Variants in CFAP54 observed in about 807,000 individuals in gnomAD.
CFAP54 encodes the protein cilia and flagella associated protein 54.
Under a neutral mutation model 370.4 loss-of-function variants are expected in CFAP54, and 290 were observed. The observed-to-expected ratio is 0.78, with a 90% CI of 0.71 to 0.86. The LOEUF (loss-of-function observed/expected upper bound fraction) is 0.86. Among genes scored for constraint, CFAP54 ranks in the 40% least tolerant of loss-of-function variants. The pLI is 0.00. For synonymous variants in CFAP54, 1,206 were observed against 1,236.5 expected, an observed-to-expected ratio of 0.98 and a Z score of 0.52; for missense variants, 3,399 against 3,528.7, an observed-to-expected ratio of 0.96 and a Z score of 0.93.
chr12:96,841,920 G>A (rs1048391659), intron 66 of CFAP54, among the ~76,000 whole-genome samples: 4 of 152,204 alleles, frequency 2.6e-5, no homozygotes, highest in African/African-American at 4.8e-5. Flanking sequence ...CTATTTCTCC[G>A]ATAGGATTAC....
chr12:96,496,288 A>G (rs1400887274), intron 1 of CFAP54, among the ~76,000 whole-genome samples: 2 of 152,252 alleles, frequency 1.3e-5, no homozygotes, highest in African/African-American at 2.4e-5. Flanking sequence ...CACATACATC[A>G]TAAGTATTAG....
intron 5 of CFAP54, among the ~76,000 whole-genome samples, chr12:96,518,561 C>T (rs1406845042): frequency 1.3e-5 from 2 of 152,108 alleles, no homozygotes; most frequent in Non-Finnish European, 1.5e-5. Flanking sequence ...TGGTGCACAC[C>T]TGTAGTTCCA....
intron 9 of CFAP54, among the ~76,000 whole-genome samples, chr12:96,530,359 A>G (rs1182437313): frequency 6.6e-6 from 1 of 152,224 alleles, no homozygotes; most frequent in African/African-American, 2.4e-5. Flanking sequence ...GCGTCATGGC[A>G]TGTGCCTGTA....
At chr12:96,849,827 C>CA (rs1959485039) in intron 66 of CFAP54, among the ~76,000 whole-genome samples, 1 of 152,098 alleles carries the variant, frequency 6.6e-6, no homozygotes, top group Non-Finnish European at 1.5e-5. Context: ...AAATCATCAC[C>CA]ATTTCTTTCA....
In CFAP54 at chr12:96,507,011, G is replaced by A. The variant is rs1955108819; in HGVS notation, c.651G>A (p.Val217=). 6.5e-7 allele frequency: 1 copy of A among 1,535,880 alleles called. No homozygotes were observed. Among genetic ancestry groups the A allele is most frequent in the African/African-American group, 1.4e-5 (1 of 73,022 alleles). ...SDENLKNKES[V]VQCLHILSSL... ...AAAACCTGAAGAATAAAGAATCTGT[G>A]GTCCAGTGTCTGCATATCTTGTCCT... The change falls in exon 4 of 68, where the codon GTG becomes GTA. Residue 217 remains valine, a synonymous_variant. Transcript: ENST00000524981.
chr12:96,680,082 A>G (rs980263428), intron 40 of CFAP54, among the ~76,000 whole-genome samples: 13 of 152,212 alleles, frequency 8.5e-5, no homozygotes, highest in Admixed American at 2.6e-4. Context: ...GTTTTACTTC[A>G]TAAGTAGACG....
intron 39 of CFAP54, among the ~76,000 whole-genome samples, chr12:96,671,192 G>T (rs769159802): frequency 1.2e-4 from 18 of 151,970 alleles, no homozygotes; most frequent in African/African-American, 4.3e-4. Context: ...GGCTGGTCTC[G>T]AACACCTGAC....
chr12:96,784,629 T>C lies in CFAP54; in HGVS notation c.8282-88T>C, dbSNP rs150618662. 13 of 1,000,854 alleles carry C rather than the reference T, an allele frequency of 1.3e-5. No homozygotes were observed. In the African/African-American group the frequency reaches 2.1e-4, roughly 16 times the overall value. 62.0% of individuals were successfully genotyped at this position (1,000,854 alleles called of 1,614,324 possible). A position where few individuals can be genotyped will look rare whatever the true frequency, so the allele number is the denominator to read the frequency against. On this transcript the variant is annotated intron_variant, in intron 60 of 67. Transcript: ENST00000524981. ...GTATCATGTGTCAGCATTTCCTTTA[T>C]GAGCTGTGCTTTTTTTCTGTTCATG...
At chr12:96,683,136 AATT>A (rs1957290062) in intron 40 of CFAP54, among the ~76,000 whole-genome samples, 1 of 152,236 alleles carries the variant, frequency 6.6e-6, no homozygotes, top group East Asian at 1.9e-4. Flanking sequence ...TTTTGAAACA[AATT>A]ATTATGAAGC....
intron 67 of CFAP54, among the ~76,000 whole-genome samples, chr12:96,868,568 A>G (rs994754173): frequency 2.7e-5 from 4 of 149,396 alleles, no homozygotes; most frequent in Non-Finnish European, 4.4e-5. Flanking sequence ...CTTATTTTTT[A>G]AATTGTGGCA....
intron 52 of CFAP54, 110 bp from the exon 53 acceptor site, chr12:96,743,292 C>G: frequency 9.6e-7 from 1 of 1,041,354 alleles, no homozygotes; most frequent in South Asian, 1.6e-5. Context: ...ATATACTCCC[C>G]TGTTCTTTGA....
chr12:96,772,233 C>T (rs1169251308), intron 60 of CFAP54, among the ~76,000 whole-genome samples: 1 of 152,176 alleles, frequency 6.6e-6, no homozygotes, highest in African/African-American at 2.4e-5. Context: ...GTGTCCTATT[C>T]CTGCTGTAAC....
At position 96,792,336 on chromosome 12, in the gene CFAP54, G is replaced by C. The variant is rs1045099175; in HGVS notation, c.8687G>C (p.Arg2896Pro). 6.6e-7 allele frequency: 1 copy of C among 1,506,154 alleles called. No individual in the cohort carries two copies. Among genetic ancestry groups the C allele is most frequent in the African/African-American group, 1.4e-5 (1 of 71,656 alleles). The allele number at this position is 1,506,154 out of a possible 1,614,324, so 93.3% of individuals were successfully genotyped here. ...TTTTTGTTTGTTCCCTAGTTGTATC[G>C]CGATAGTTCTGTACAATCCATTTTA... is the stretch of plus-strand genomic sequence containing the variant. ...DLRESSAKLY[R>P]DSSVQSILSF... Residue 2896 changes from arginine to proline, a missense_variant, in exon 63 of 68, where the codon CGC (arginine) becomes CCC (proline). Arg to Pro is a moderately radical substitution (Grantham distance 103). This residue lies in a region of CFAP54 where 2,796 missense variants were observed against 2,869.7 expected (regional missense o/e 0.97). Coordinates refer to ENST00000524981, the MANE Select transcript of CFAP54 (RefSeq NM_001306084.2).
chr12:96,770,807 T>C (rs1958453122), intron 60 of CFAP54, among the ~76,000 whole-genome samples: 1 of 152,266 alleles, frequency 6.6e-6, no homozygotes, highest in Non-Finnish European at 1.5e-5. Context: ...AGAGGTTATG[T>C]AACTTGTGTA....
chr12:96,535,133 A>G (rs1955488909), intron 11 of CFAP54, among the ~76,000 whole-genome samples: 1 of 150,802 alleles, frequency 6.6e-6, no homozygotes, highest in Admixed American at 6.6e-5. Context: ...ATCTTGGCTC[A>G]GTGTAACTTC....
intron 63 of CFAP54, among the ~76,000 whole-genome samples, chr12:96,810,104 G>A (rs1386264275): frequency 6.6e-6 from 1 of 151,942 alleles, no homozygotes. Context: ...TGAAAGGGAG[G>A]TTGTCTAATG....
intron 55 of CFAP54, among the ~76,000 whole-genome samples, chr12:96,746,292 C>G (rs1958113671): frequency 6.6e-6 from 1 of 152,128 alleles, no homozygotes; most frequent in Non-Finnish European, 1.5e-5. Context: ...AAGCCTCTGT[C>G]ATTCTCACAA....
At chr12:96,772,712 T>A (rs1342140775) in intron 60 of CFAP54, among the ~76,000 whole-genome samples, 1 of 151,876 alleles carries the variant, frequency 6.6e-6, no homozygotes, top group East Asian at 1.9e-4. Context: ...CTCTGCTTCC[T>A]GAGTTCAAGC....
At chr12:96,795,640 A>C (rs1004108144) in intron 63 of CFAP54, among the ~76,000 whole-genome samples, 2 of 151,870 alleles carry the variant, frequency 1.3e-5, no homozygotes, top group Admixed American at 1.3e-4. Context: ...TGCCCTCCCA[A>C]TGTCAGTGAG....
Sources: allele counts gnomAD v4.1 joint callset (sites outside exome capture counted in the v4.1 genomes callset), GRCh38; gene constraint gnomAD v4.1.1; regional missense constraint gnomAD v4.1.1; transcripts MANE v1.5; gene names NCBI Gene and HGNC (gene_info 2026-07-23, HGNC 2026-07-21).